ZDHHC2: variants seen among roughly 807,000 people sequenced by gnomAD.
ZDHHC2 encodes zDHHC palmitoyltransferase 2.
ZDHHC2 carries 51 observed loss-of-function variants against 55.6 expected under a neutral mutation model. That is an observed-to-expected ratio of 0.92 (90% CI 0.73 to 1.16). The LOEUF is 1.16. ZDHHC2 is among the 50% of genes most tolerant of loss of function. The pLI is 0.00. For missense variants in ZDHHC2, 491 were observed against 442.4 expected (o/e 1.11, Z -0.99); for synonymous variants, 199 against 152.9 (o/e 1.30, Z -2.22).
intron 6 of ZDHHC2, among the ~76,000 whole-genome samples, chr8:17,199,640 C>CTTCTTCCTTTCTT (rs1563161823): frequency 4.3e-5 from 1 of 23,432 alleles, no homozygotes; most frequent in Admixed American, 8.4e-4. Flanking sequence ...TTCTTCTTCT[C>CTTCTTCCTTTCTT]CTCCTCCTCC....
rs979553332 is a variant in ZDHHC2, at chr8:17,220,587, C to T, written c.*366C>T. ...AAACTCCATTAATCATCTGATTTTC[C>T]GAATCTGAAAATTGAGACTATTAAG... On this transcript the variant is annotated 3_prime_UTR_variant, in exon 13 of 13. Transcript: ENST00000262096. 2.0e-5 allele frequency: 3 copies of T among 152,114 alleles called. No individual in the cohort carries two copies. The highest frequency in any genetic ancestry group is 2.9e-5 in the Non-Finnish European group (2 of 68,036). 9.4% of individuals were successfully genotyped at this position (152,114 alleles called of 1,614,324 possible). A position where few individuals can be genotyped will look rare whatever the true frequency, so the allele number is the denominator to read the frequency against.
At chr8:17,203,759 G>A (rs1429473821) in intron 6 of ZDHHC2, among the ~76,000 whole-genome samples, 1 of 151,534 alleles carries the variant, frequency 6.6e-6, no homozygotes, top group Non-Finnish European at 1.5e-5. Flanking sequence ...AGATGCAGAT[G>A]TAACTGTTTC....
At chr8:17,185,917 G>C (rs999077477) in intron 2 of ZDHHC2, among the ~76,000 whole-genome samples, 8 of 152,206 alleles carry the variant, frequency 5.3e-5, no homozygotes, top group African/African-American at 1.9e-4. Flanking sequence ...TTCTCAAATA[G>C]GAACTGCCTT....
At chr8:17,208,288 A>G (rs1052496999) in intron 8 of ZDHHC2, among the ~76,000 whole-genome samples, 196 bp downstream of exon 8, 3 of 149,676 alleles carry the variant, frequency 2.0e-5, no homozygotes, top group African/African-American at 7.3e-5. Context: ...ATTGTCTCAT[A>G]TATATGTATA....
At chr8:17,194,828 A>G (rs1309177660) in intron 3 of ZDHHC2, among the ~76,000 whole-genome samples, 3 of 152,150 alleles carry the variant, frequency 2.0e-5, no homozygotes, top group Admixed American at 6.5e-5. Flanking sequence ...ATTTCAAACA[A>G]TGATACTGAG....
chr8:17,199,585 CTT>C (rs1563161532), intron 6 of ZDHHC2, among the ~76,000 whole-genome samples: 6 of 66,272 alleles, frequency 9.1e-5, no homozygotes, highest in African/African-American at 1.7e-4. Context: ...TCTTCTTCTT[CTT>C]CTTTCTTCTT....
At chr8:17,191,521 G>C (rs1167122406) in intron 3 of ZDHHC2, among the ~76,000 whole-genome samples, 5 of 152,146 alleles carry the variant, frequency 3.3e-5, no homozygotes, top group Admixed American at 3.3e-4. Flanking sequence ...TATGAGTTTA[G>C]TTGTTTTAAT....
At position 17,223,535 on chromosome 8, in the gene ZDHHC2, C is replaced by G. The variant is rs1037142891; in HGVS notation, c.*3314C>G. 10 of 151,864 alleles carry G rather than the reference C, an allele frequency of 6.6e-5. No homozygotes were observed. The highest frequency in any genetic ancestry group is 2.4e-4 in the African/African-American group (10 of 41,418). 9.4% of individuals were successfully genotyped at this position (151,864 alleles called of 1,614,324 possible). ...TTCCACATACTTAGCCAGTTCAGCA[C>G]CGATTTCCTCTTATATGTGGAAGGA... On this transcript the variant is annotated 3_prime_UTR_variant, in exon 13 of 13. Transcript: ENST00000262096.
At chr8:17,208,190 G>A (rs1224331912) in intron 8 of ZDHHC2, 98 bp downstream of exon 8, 2 of 1,226,210 alleles carry the variant, frequency 1.6e-6, no homozygotes, top group African/African-American at 1.6e-5. Context: ...GCCCTGAAGT[G>A]GTGGGAAAAG....
chr8:17,190,505 A>G (rs891242334), intron 3 of ZDHHC2, among the ~76,000 whole-genome samples: 13 of 152,178 alleles, frequency 8.5e-5, no homozygotes, highest in African/African-American at 2.9e-4. Flanking sequence ...AGGATCCTGA[A>G]CTGAAAACAT....
chr8:17,223,174 C>G lies in ZDHHC2; in HGVS notation c.*2953C>G, dbSNP rs906416018. ...TGCATGTAAACGGGCTCGGCTGATT[C>G]TGAAATTGTACTGTATCATTTGGTA... On this transcript the variant is annotated 3_prime_UTR_variant, in exon 13 of 13. Transcript: ENST00000262096. The G allele has an allele frequency of 4.6e-5, 7 of 151,862 alleles. No individual in the cohort carries two copies. The highest frequency in any genetic ancestry group is 1.3e-4 in the Admixed American group (2 of 15,210). 9.4% of individuals were successfully genotyped at this position (151,862 alleles called of 1,614,324 possible). A position where few individuals can be genotyped will look rare whatever the true frequency, so the allele number is the denominator to read the frequency against.
chr8:17,165,119 T>C (rs2705181), intron 1 of ZDHHC2, among the ~76,000 whole-genome samples: 83,425 of 152,006 alleles, frequency 0.55, 23,269 homozygotes, highest in East Asian at 0.68. Flanking sequence ...ACAGCTGAGC[T>C]GGAGCTGTAA....
chr8:17,156,633 C>T lies in ZDHHC2; in HGVS notation c.-91C>T, dbSNP rs1024762961. ...CGCACCCCGCCGCCGCCCAGGAGCC[C>T]GTCCAGCCAGGGGTGCCGGGCCCGC... On this transcript the variant is annotated 5_prime_UTR_variant, in exon 1 of 13. Transcript: ENST00000262096. 9.8e-5 allele frequency: 101 copies of T among 1,032,608 alleles called. 4 individuals carry two copies. Among genetic ancestry groups the T allele is most frequent in the Non-Finnish European group, 4.1e-5 (35 of 849,312 alleles). 64.0% of individuals were successfully genotyped at this position (1,032,608 alleles called of 1,614,324 possible).
intron 6 of ZDHHC2, among the ~76,000 whole-genome samples, chr8:17,198,618 G>GT (rs1193356005): frequency 6.6e-6 from 1 of 152,102 alleles, no homozygotes; most frequent in African/African-American, 2.4e-5. Flanking sequence ...AAACCAGTAG[G>GT]TTAACAACCT....
At chr8:17,190,203 C>T (rs1326896798) in intron 3 of ZDHHC2, among the ~76,000 whole-genome samples, 5 of 151,626 alleles carry the variant, frequency 3.3e-5, no homozygotes, top group Admixed American at 6.6e-5. Flanking sequence ...TTGCAGTGAG[C>T]CGAGATCGCA....
chr8:17,177,900 C>G (rs1006243456), intron 1 of ZDHHC2, among the ~76,000 whole-genome samples: 2 of 151,610 alleles, frequency 1.3e-5, no homozygotes, highest in African/African-American at 2.4e-5. Context: ...AATTATTCCT[C>G]CAAAGGAGAG....
intron 2 of ZDHHC2, among the ~76,000 whole-genome samples, chr8:17,185,580 G>T (rs1016059381): frequency 6.6e-6 from 1 of 152,092 alleles, no homozygotes; most frequent in African/African-American, 2.4e-5. Context: ...TGAGGTAGGA[G>T]GATTGCTTGA....
chr8:17,160,309 C>T (rs965991819), intron 1 of ZDHHC2, among the ~76,000 whole-genome samples: 1 of 152,182 alleles, frequency 6.6e-6, no homozygotes, highest in African/African-American at 2.4e-5. Flanking sequence ...AAATATATTA[C>T]TTTCCTGCTC....
At chr8:17,207,827 T>G (rs1336649877) in intron 7 of ZDHHC2, 133 bp from the exon 8 acceptor site, 1 of 698,884 alleles carries the variant, frequency 1.4e-6, no homozygotes, top group African/African-American at 1.9e-5. Context: ...AGTTTTAACA[T>G]AAAGCCACAT....
Sources: allele counts gnomAD v4.1 joint callset (sites outside exome capture counted in the v4.1 genomes callset), GRCh38; gene constraint gnomAD v4.1.1; transcripts MANE v1.5; gene names NCBI Gene and HGNC (gene_info 2026-07-23, HGNC 2026-07-21).